The following CDH18 variants were observed in gnomAD, a reference collection of about 807,000 sequenced individuals.
CDH18 encodes cadherin 18.
In CDH18, 31 loss-of-function variants were observed where a neutral mutation model predicts 67.9. The ratio of observed to expected loss-of-function variants is 0.46; its 90% confidence interval spans 0.34 to 0.62. The LOEUF (loss-of-function observed/expected upper bound fraction) is 0.62. Ranked by LOEUF, CDH18 falls within the 20% of genes least tolerant of loss-of-function variation. The probability of loss-of-function intolerance (pLI) is 0.01; values close to 1 mark genes in which losing one functional copy is unlikely to be tolerated. For missense variants in CDH18, 890 were observed against 975.5 expected (o/e 0.91, Z 1.17); for synonymous variants, 362 against 347.2 (o/e 1.04, Z -0.48).
chr5:19,582,709 T>C (rs2149990767), intron 7 of CDH18, among the ~76,000 whole-genome samples: 1 of 152,162 alleles, frequency 6.6e-6, no homozygotes, highest in Middle Eastern at 3.4e-3. Flanking sequence ...GTTTCTTATT[T>C]ATAGTTTGTG....
chr5:19,824,406 G>C (rs563721749), intron 3 of CDH18, among the ~76,000 whole-genome samples: 2 of 152,184 alleles, frequency 1.3e-5, no homozygotes, highest in African/African-American at 2.4e-5. Context: ...AAGGGTGAGT[G>C]ATCGAGAGCT....
chr5:20,129,073 G>T (rs1264221614), intron 2 of CDH18, among the ~76,000 whole-genome samples: 1 of 151,992 alleles, frequency 6.6e-6, no homozygotes. Context: ...TTCAGAAACA[G>T]TTCCTATAAG....
chr5:20,263,430 AAT>A (rs961315104), intron 1 of CDH18, among the ~76,000 whole-genome samples: 1 of 152,174 alleles, frequency 6.6e-6, no homozygotes, highest in Non-Finnish European at 1.5e-5. Context: ...ATTTCAAACA[AAT>A]ATAAAATTTT....
intron 11 of CDH18, 38 bp from the exon 12 acceptor site, chr5:19,483,590 A>C (rs991967944): frequency 1.3e-6 from 2 of 1,539,332 alleles, no homozygotes; most frequent in Non-Finnish European, 1.8e-6. Context: ...ACACTTAGTC[A>C]AGCCGCCATT....
intron 3 of CDH18, among the ~76,000 whole-genome samples, chr5:19,804,372 C>A (rs1777825738): frequency 6.6e-6 from 1 of 151,774 alleles, no homozygotes; most frequent in African/African-American, 2.4e-5. Context: ...CTATTGGGCA[C>A]TTAACATTCT....
Position 19,520,767 on chromosome 5 carries a change from A to T in CDH18, c.1402T>A (p.Leu468Met). Residue 468 changes from leucine to methionine, a missense_variant, in exon 10 of 13, where the codon TTG becomes ATG. Coordinates refer to ENST00000382275, the MANE Select transcript of CDH18 (RefSeq NM_004934.5). ...ATACCCACTGTGACATGGCTCAGCA[A>T]ATCAGGATTATCTGCAAAATACACA... Reference protein sequence around the residue: ...VTASEIDNPDLLSHVTVGIRV... With the variant: ...VTASEIDNPDMLSHVTVGIRV... 1 of 1,612,888 alleles carries T rather than the reference A, an allele frequency of 6.2e-7. No individual in the cohort carries two copies. The highest frequency in any genetic ancestry group is 1.1e-5 in the South Asian group (1 of 90,860).
intron 2 of CDH18, among the ~76,000 whole-genome samples, chr5:20,040,195 A>G (rs1217549162): frequency 6.6e-6 from 1 of 152,138 alleles, no homozygotes; most frequent in Non-Finnish European, 1.5e-5. Context: ...AAAAGTCAGG[A>G]AACAACAAAT....
chr5:20,202,882 G>T (rs1000381504), intron 2 of CDH18, among the ~76,000 whole-genome samples: 1 of 151,912 alleles, frequency 6.6e-6, no homozygotes, highest in Admixed American at 6.6e-5. Context: ...AGCAGCATTA[G>T]AAGCAAACTG....
chr5:20,283,616 T>A (rs1299918558), intron 1 of CDH18, among the ~76,000 whole-genome samples: 1 of 151,948 alleles, frequency 6.6e-6, no homozygotes, highest in Admixed American at 6.6e-5. Flanking sequence ...GCTGGTTAAG[T>A]ACGTAGAGAA....
At chr5:19,888,165 T>A (rs80286504) in intron 2 of CDH18, among the ~76,000 whole-genome samples, 1,541 of 152,274 alleles carry the variant, frequency 0.01, 22 homozygotes, top group African/African-American at 0.027. Context: ...CTTTTCTTCT[T>A]CAAGATTATT....
At chr5:19,784,250 A>G (rs888320308) in intron 3 of CDH18, among the ~76,000 whole-genome samples, 1 of 152,188 alleles carries the variant, frequency 6.6e-6, no homozygotes, top group Admixed American at 6.5e-5. Context: ...AGTATGTTCA[A>G]AACTTGTAGA....
intron 2 of CDH18, among the ~76,000 whole-genome samples, chr5:20,148,008 G>T (rs1179159493): frequency 6.6e-6 from 1 of 151,858 alleles, no homozygotes; most frequent in Non-Finnish European, 1.5e-5. Flanking sequence ...ATGTTTGCAT[G>T]TTTAAATATA....
rs1323511165 is a variant in CDH18, at chr5:19,881,358, G to A, written c.-256-42116C>T. Among the ~76,000 whole-genome samples the A allele has an allele frequency of 9.9e-5, 15 of 152,032 alleles. 1 individual carries two copies. ...ATAGATTTTTTTTGTCAAGACAAAT[G>A]CAAATGGTTCAGCCTAGTAGAAACT... On this transcript the variant is annotated intron_variant, in intron 2 of 12. Coordinates refer to ENST00000382275, the MANE Select transcript of CDH18 (RefSeq NM_004934.5).
intron 3 of CDH18, among the ~76,000 whole-genome samples, chr5:19,811,884 AC>A (rs1208051772): frequency 6.6e-6 from 1 of 152,200 alleles, no homozygotes. Context: ...AAGATCAAAT[AC>A]AAAAATAAAT....
chr5:19,861,871 C>T (rs914362996), intron 2 of CDH18, among the ~76,000 whole-genome samples: 11 of 152,076 alleles, frequency 7.2e-5, no homozygotes, highest in African/African-American at 2.2e-4. Flanking sequence ...AAAAATTGTG[C>T]TATTTGACTG....
chr5:19,795,179 TAGA>T (rs1248338463), intron 3 of CDH18, among the ~76,000 whole-genome samples: 12 of 152,056 alleles, frequency 7.9e-5, no homozygotes, highest in Non-Finnish European at 1.8e-4. Context: ...AAGCAGTCAG[TAGA>T]AGCATTCTGC....
At chr5:19,811,452 G>A (rs971191254) in intron 3 of CDH18, among the ~76,000 whole-genome samples, 4 of 151,988 alleles carry the variant, frequency 2.6e-5, no homozygotes, top group Non-Finnish European at 5.9e-5. Context: ...CTAGGAGAGA[G>A]ACCTAGAACA....
At chr5:19,936,106 T>C (rs1025075994) in intron 2 of CDH18, among the ~76,000 whole-genome samples, 1 of 151,292 alleles carries the variant, frequency 6.6e-6, no homozygotes, top group Non-Finnish European at 1.5e-5. Context: ...GTTTTAATAA[T>C]TCTGTTATTC....
chr5:19,972,386 A>G (rs796724679), intron 2 of CDH18, among the ~76,000 whole-genome samples: 60 of 152,154 alleles, frequency 3.9e-4, no homozygotes, highest in African/African-American at 1.3e-3. Context: ...AAGCTTTTCA[A>G]TTTTCTACCA....
Sources: gnomAD v4.1 joint callset for allele counts (sites outside exome capture counted in the v4.1 genomes callset) on GRCh38, gnomAD v4.1.1 for gene constraint, MANE v1.5 for transcripts, NCBI Gene and HGNC (gene_info 2026-07-23, HGNC 2026-07-21) for gene names.